ADGRV1: variants seen among roughly 807,000 people sequenced by gnomAD.
ADGRV1 encodes adhesion G protein-coupled receptor V1, also known as G-protein coupled receptor 98.
ADGRV1 carries 359 observed loss-of-function variants against 596.2 expected under a neutral mutation model. That is an observed-to-expected ratio of 0.60 (90% confidence interval 0.55 to 0.66). The LOEUF (loss-of-function observed/expected upper bound fraction) is 0.66, where lower values mean the gene tolerates loss of function less well. Ranked by LOEUF, ADGRV1 falls within the 30% of genes least tolerant of loss-of-function variation. ADGRV1 has a pLI of 0.00. For missense variants in ADGRV1, 7,274 were observed against 7,575.6 expected (o/e 0.96, Z 1.48); for synonymous variants, 2,681 against 2,679.2 (o/e 1.00, Z -0.02).
At chr5:90,620,444 A>G (rs9283788) in intron 4 of ADGRV1, among the ~76,000 whole-genome samples, 106,623 of 151,728 alleles carry the variant, frequency 0.7, 37,563 homozygotes, top group East Asian at 0.82. Flanking sequence ...TTTTTGATGG[A>G]GTATTTTTTT....
At chr5:90,678,595 A>C (rs956578978) in intron 25 of ADGRV1, among the ~76,000 whole-genome samples, 8 of 146,904 alleles carry the variant, frequency 5.4e-5, no homozygotes, top group Non-Finnish European at 7.4e-5. Flanking sequence ...AAAGTCCAAG[A>C]CTGGGGGACT....
At chr5:90,600,038 G>A (rs943241066) in intron 1 of ADGRV1, among the ~76,000 whole-genome samples, 1 of 152,124 alleles carries the variant, frequency 6.6e-6, no homozygotes, top group Non-Finnish European at 1.5e-5. Context: ...AATGGCTCCT[G>A]GTAGTGACAA....
intron 1 of ADGRV1, among the ~76,000 whole-genome samples, chr5:90,610,151 T>C (rs1339491526): frequency 6.6e-6 from 1 of 151,988 alleles, no homozygotes; most frequent in Non-Finnish European, 1.5e-5. Flanking sequence ...ATCATTTATT[T>C]GAGTCAAGAT....
chr5:90,899,893 A>G (rs1771679749), intron 83 of ADGRV1, among the ~76,000 whole-genome samples: 1 of 152,184 alleles, frequency 6.6e-6, no homozygotes, highest in South Asian at 2.1e-4. Context: ...TTCCTCCATC[A>G]CCTAATGGTC....
intron 87 of ADGRV1, among the ~76,000 whole-genome samples, chr5:91,105,606 A>G (rs925719066): frequency 2.6e-5 from 4 of 152,086 alleles, no homozygotes; most frequent in Non-Finnish European, 4.4e-5. Context: ...GCATTTGTTC[A>G]TATATTTGTT....
intron 87 of ADGRV1, among the ~76,000 whole-genome samples, chr5:91,144,115 C>T (rs1437908200): frequency 1.3e-5 from 2 of 152,106 alleles, no homozygotes; most frequent in African/African-American, 4.8e-5. Context: ...TGCAGAGATG[C>T]CCAGGTCTGC....
intron 17 of ADGRV1, among the ~76,000 whole-genome samples, chr5:90,650,558 G>A (rs1405791971): frequency 1.3e-5 from 2 of 152,134 alleles, no homozygotes; most frequent in East Asian, 1.9e-4. Context: ...AATTTTAGCT[G>A]TAGGTGTTGT....
At chr5:90,834,564 CTTTTTT>C (rs572952573) in intron 77 of ADGRV1, among the ~76,000 whole-genome samples, 1 of 145,324 alleles carries the variant, frequency 6.9e-6, no homozygotes, top group African/African-American at 2.5e-5. Context: ...TTTTAGGATT[CTTTTTT>C]TTTTTTAAAT....
At chr5:90,851,699 G>A (rs1455069586) in intron 79 of ADGRV1, among the ~76,000 whole-genome samples, 4 of 152,292 alleles carry the variant, frequency 2.6e-5, no homozygotes, top group East Asian at 3.9e-4. Context: ...AGCAGACTGT[G>A]GGATTGATCA....
At chr5:91,134,262 A>G (rs1794450523) in intron 87 of ADGRV1, among the ~76,000 whole-genome samples, 1 of 151,080 alleles carries the variant, frequency 6.6e-6, no homozygotes. Flanking sequence ...ATCATCGCTC[A>G]CTGCAGCCTC....
intron 87 of ADGRV1, among the ~76,000 whole-genome samples, chr5:91,103,949 G>T (rs932867785): frequency 1.3e-5 from 2 of 152,196 alleles, no homozygotes; most frequent in Non-Finnish European, 2.9e-5. Context: ...TAGAGAAGAA[G>T]TTGTAGGAGA....
intron 83 of ADGRV1, among the ~76,000 whole-genome samples, chr5:90,926,195 T>C (rs894437767): frequency 6.6e-6 from 1 of 151,948 alleles, no homozygotes; most frequent in Non-Finnish European, 1.5e-5. Flanking sequence ...TGGAATAGTT[T>C]CAGAAGGAAT....
chr5:91,112,970 T>C (rs1792507300), intron 87 of ADGRV1, among the ~76,000 whole-genome samples: 1 of 152,156 alleles, frequency 6.6e-6, no homozygotes, highest in African/African-American at 2.4e-5. Flanking sequence ...TATCTCAGGA[T>C]ATATATAAAG....
chr5:90,983,377 T>C lies in ADGRV1; in HGVS notation c.17974-1967T>C, dbSNP rs566762495. ...TGCGTAAAAGCAGACATTTTGAAAA[T>C]GTCTCAATCTTTATCATGGTGAATC... On this transcript the variant is annotated intron_variant, in intron 84 of 89. Coordinates refer to ENST00000405460, the MANE Select transcript of ADGRV1 (RefSeq NM_032119.4). Among the ~76,000 whole-genome samples the C allele has an allele frequency of 3.3e-5, 5 of 152,320 alleles. No individual in the cohort carries two copies. The East Asian group carries it at 9.7e-4, about 29-fold the overall frequency.
rs1034968587 is a variant in ADGRV1 at position 90,853,315 on chromosome 5, T to G, written c.17236T>G (p.Leu5746Val). Residue 5746 changes from leucine to valine, a missense_variant, in exon 80 of 90, where the codon TTG becomes GTG. Transcript: ENST00000405460. Reference sequence around the variant, plus strand: ...AACCATCCTTGATAGTTGCCCATATTTGTCAATATTGGCTCTTCACTGGTA... The same window carrying G: ...AACCATCCTTGATAGTTGCCCATATGTGTCAATATTGGCTCTTCACTGGTA... ...SKTILDSCPYLSILALHWYPQ... is the reference protein window; with the variant it reads ...SKTILDSCPYVSILALHWYPQ... 20 of 1,610,958 alleles carry G rather than the reference T, an allele frequency of 1.2e-5. No individual in the cohort carries two copies. The highest frequency in any genetic ancestry group is 1.6e-5 in the Non-Finnish European group (19 of 1,177,918).
At chr5:90,598,701 A>G (rs1014289777) in intron 1 of ADGRV1, among the ~76,000 whole-genome samples, 2 of 152,180 alleles carry the variant, frequency 1.3e-5, no homozygotes, top group Non-Finnish European at 2.9e-5. Flanking sequence ...TTCTTAGAGC[A>G]TACAAGTAGG....
At chr5:90,562,872 T>C (rs995426303) in intron 1 of ADGRV1, among the ~76,000 whole-genome samples, 1 of 152,234 alleles carries the variant, frequency 6.6e-6, no homozygotes, top group African/African-American at 2.4e-5. Context: ...AATATTTGTT[T>C]TGAAGATTAT....
At position 90,757,068 on chromosome 5, in the gene ADGRV1, G is replaced by C. The variant is rs1281133943; in HGVS notation, c.11847G>C (p.Gly3949=). ...TAGTCCGGCTGGCTGGAAGCTTTGG[G>C]GCAGTAAATGTTTATTGGAAAGCAT... ...VPVVRLAGSF[G]AVNVYWKASP... The change falls in exon 57 of 90, where the codon GGG becomes GGC. Residue 3949 remains glycine (G), a synonymous_variant. Coordinates refer to ENST00000405460, the MANE Select transcript of ADGRV1 (RefSeq NM_032119.4). 1 of 1,613,838 alleles carries C rather than the reference G, an allele frequency of 6.2e-7. No individual in the cohort carries two copies. Among genetic ancestry groups the C allele is most frequent in the Admixed American group, 1.7e-5 (1 of 60,020 alleles).
chr5:90,922,310 G>GA (rs1342055918), intron 83 of ADGRV1, among the ~76,000 whole-genome samples: 2 of 152,006 alleles, frequency 1.3e-5, no homozygotes, highest in African/African-American at 4.8e-5. Flanking sequence ...TGCCCTTCAG[G>GA]AAAATTTTAA....
Sources: gnomAD v4.1 joint callset for allele counts (sites outside exome capture counted in the v4.1 genomes callset) on GRCh38, gnomAD v4.1.1 for gene constraint, MANE v1.5 for transcripts, NCBI Gene and HGNC (gene_info 2026-07-23, HGNC 2026-07-21) for gene names.